Variants in DLGAP1 observed in about 807,000 individuals in gnomAD.
The protein encoded by DLGAP1 is disks large-associated protein 1.
DLGAP1 carries 11 observed loss-of-function variants against 90.8 expected under a neutral mutation model. The ratio of observed to expected loss-of-function variants is 0.12; its 90% CI spans 0.08 to 0.20. The LOEUF (loss-of-function observed/expected upper bound fraction) is 0.20, where lower values mean the gene tolerates loss of function less well. Ranked by LOEUF, DLGAP1 falls within the 10% of genes least tolerant of loss-of-function variation. The pLI is 1.00. For missense variants in DLGAP1, 1,050 were observed against 1,333.8 expected (o/e 0.79, Z 3.31); for synonymous variants, 558 against 540.7 (o/e 1.03, Z -0.44).
intron 1 of DLGAP1, among the ~76,000 whole-genome samples, chr18:4,395,748 C>G (rs780455796): frequency 2.6e-5 from 4 of 152,162 alleles, no homozygotes; most frequent in Non-Finnish European, 5.9e-5. Flanking sequence ...AATAATAAAA[C>G]TCCTAATTTG....
rs759051763 is a variant in DLGAP1, at chr18:3,879,967, C to G, written c.102G>C (p.Leu34=). 1.6e-5 allele frequency: 25 copies of G among 1,612,796 alleles called. No individual in the cohort carries two copies. Among genetic ancestry groups the G allele is most frequent in the Non-Finnish European group, 2.1e-5 (25 of 1,179,980 alleles). The change falls in exon 4 of 13, where the codon CTG becomes CTC. Residue 34 remains leucine (L), a synonymous_variant. Transcript: ENST00000315677. The surrounding 1 kb of genome is among the most constrained non-coding windows in gnomAD (Gnocchi z 6.6). ...CTGCGGGGTGGTGCTCCACTGGGCT[C>G]AGCAGGTAGGGCTTGCGGTCGGAGT... ...SHHSDRKPYL[L]SPVEHHPADH... is the part of the protein sequence containing the mutation.
intron 3 of DLGAP1, among the ~76,000 whole-genome samples, chr18:3,946,631 T>C (rs1599200957): frequency 6.6e-6 from 1 of 152,304 alleles, no homozygotes; most frequent in South Asian, 2.1e-4. Context: ...AAACACTCTT[T>C]AAAGCAAAGT....
Position 3,551,275 on chromosome 18 carries a change from G to A in DLGAP1, c.2057+16215C>T, listed in dbSNP as rs116855808. ...TTTCTTTTTTTCTTTTTTTGTAAAC[G>A]AAGTCTTGCTCTGACACCCAGGCTG... On this transcript the variant is annotated intron_variant, in intron 9 of 12. Transcript: ENST00000315677. 8.8e-3 allele frequency among the ~76,000 whole-genome samples: 1,318 copies of A among 149,230 alleles called. 38 individuals carry two copies. Among genetic ancestry groups the A allele is most frequent in the East Asian group, 0.084 (428 of 5,108 alleles).
At chr18:3,794,167 G>A (rs2065874019) in intron 5 of DLGAP1, among the ~76,000 whole-genome samples, 1 of 152,168 alleles carries the variant, frequency 6.6e-6, no homozygotes, top group South Asian at 2.1e-4. Context: ...GGCTGGCTAG[G>A]TCCCAGTTGT....
intron 5 of DLGAP1, among the ~76,000 whole-genome samples, chr18:3,747,883 C>T (rs573368537): frequency 2.4e-4 from 37 of 152,248 alleles, no homozygotes; most frequent in South Asian, 6.2e-4. Context: ...CAGAGCCCTC[C>T]GCTATCAATA....
intron 1 of DLGAP1, among the ~76,000 whole-genome samples, chr18:4,448,952 T>C (rs1274215364): frequency 6.6e-6 from 1 of 152,226 alleles, no homozygotes; most frequent in Non-Finnish European, 1.5e-5. Context: ...TGATTTATTC[T>C]TTGAGTCCTT....
rs116666184 is a variant in DLGAP1 at position 4,055,119 on chromosome 18, C to T, written c.-158-49918G>A. On this transcript the variant is annotated intron_variant, in intron 2 of 12. Coordinates refer to ENST00000315677, the MANE Select transcript of DLGAP1 (RefSeq NM_004746.4). ...TCCAAATACAAGTTTGGTTCCTGCT[C>T]ATGTGACATGAGCAGTGAGGTTGGC... 3.8e-3 allele frequency among the ~76,000 whole-genome samples: 571 copies of T among 152,222 alleles called. 4 individuals carry two copies. Among genetic ancestry groups the T allele is most frequent in the African/African-American group, 0.013 (553 of 41,530 alleles).
chr18:4,355,077 T>C (rs74568759), intron 1 of DLGAP1, among the ~76,000 whole-genome samples: 2,188 of 152,208 alleles, frequency 0.014, 40 homozygotes, highest in African/African-American at 0.047. Flanking sequence ...CAGTGTCTTT[T>C]AAAACTAAAC....
rs576873579 is a variant in DLGAP1 at position 3,855,847 on chromosome 18, G to A, written c.957+23265C>T. Reference sequence around the variant, plus strand: ...AGGCTGGTCTGGAACTCCTGACCTCGTGATCCGCCTGCCTCGGCCTCTCAA... The same window carrying A: ...AGGCTGGTCTGGAACTCCTGACCTCATGATCCGCCTGCCTCGGCCTCTCAA... On this transcript the variant is annotated intron_variant, in intron 4 of 12. Coordinates refer to ENST00000315677, the MANE Select transcript of DLGAP1 (RefSeq NM_004746.4). Among the ~76,000 whole-genome samples the A allele has an allele frequency of 6.6e-5, 10 of 152,294 alleles. No individual in the cohort carries two copies. In the East Asian group the frequency reaches 1.2e-3, roughly 18 times the overall value.
Position 3,561,203 on chromosome 18 carries a change from A to G in DLGAP1, c.2057+6287T>C, listed in dbSNP as rs567464825. 1.4e-3 allele frequency among the ~76,000 whole-genome samples: 203 copies of G among 147,866 alleles called. 13 individuals carry two copies. Among genetic ancestry groups the G allele is most frequent in the African/African-American group, 5.1e-3 (197 of 38,918 alleles). On this transcript the variant is annotated intron_variant, in intron 9 of 12. Transcript: ENST00000315677. ...GGCTGAGGTGGGCGGATCACCAGAG[A>G]TTAGGAGTTTGAGACCAGCCTGTTC...
intron 7 of DLGAP1, among the ~76,000 whole-genome samples, chr18:3,630,101 G>A (rs1054727544): frequency 1.3e-5 from 2 of 152,178 alleles, no homozygotes; most frequent in Non-Finnish European, 2.9e-5. Context: ...ATTATTCTGT[G>A]TGTGTCTGTG....
intron 2 of DLGAP1, among the ~76,000 whole-genome samples, chr18:4,005,469 C>T (rs2074280987): frequency 6.6e-6 from 1 of 152,074 alleles, no homozygotes; most frequent in African/African-American, 2.4e-5. Context: ...CCCCAGCTGC[C>T]CAGTTTTCCT....
intron 1 of DLGAP1, among the ~76,000 whole-genome samples, chr18:4,165,657 TA>T (rs1195489095): frequency 6.6e-6 from 1 of 152,072 alleles, no homozygotes; most frequent in Non-Finnish European, 1.5e-5. Flanking sequence ...GTGGGGAAGG[TA>T]AAGACACCTG....
At chr18:4,209,131 T>C (rs1407984281) in intron 1 of DLGAP1, among the ~76,000 whole-genome samples, 1 of 152,156 alleles carries the variant, frequency 6.6e-6, no homozygotes, top group Non-Finnish European at 1.5e-5. Flanking sequence ...CATGTGGGAA[T>C]AATGTAGCTT....
At position 4,079,087 on chromosome 18, in the gene DLGAP1, G is replaced by A. The variant is rs2075566233; in HGVS notation, c.-159+72093C>T. ...AGCCCACGCTGGTGGTGGGTGATCA[G>A]AGCACGGACTTCCCACATAAATTTA... On this transcript the variant is annotated intron_variant, in intron 2 of 12. Transcript: ENST00000315677. 2.0e-5 allele frequency among the ~76,000 whole-genome samples: 3 copies of A among 152,276 alleles called. No individual in the cohort carries two copies. The South Asian group carries it at 6.2e-4, about 32-fold the overall frequency.
intron 1 of DLGAP1, among the ~76,000 whole-genome samples, chr18:4,344,346 A>G (rs1449340056): frequency 6.6e-6 from 1 of 152,236 alleles, no homozygotes; most frequent in Non-Finnish European, 1.5e-5. Context: ...GATGCTAGAA[A>G]GTGGCAGATT....
At chr18:4,195,383 A>T (rs908357421) in intron 1 of DLGAP1, among the ~76,000 whole-genome samples, 2 of 152,222 alleles carry the variant, frequency 1.3e-5, no homozygotes, top group Admixed American at 1.3e-4. Context: ...TAAGTGGAGT[A>T]AGCTCCAGCT....
rs79771904 is a variant in DLGAP1, at chr18:3,773,105, A to C, written c.1173-30593T>G. On this transcript the variant is annotated intron_variant, in intron 5 of 12. Coordinates refer to ENST00000315677, the MANE Select transcript of DLGAP1 (RefSeq NM_004746.4). ...TGTGTATTCTTAGATGGGACTTAAA[A>C]ATTTTTTTTTATTTTTTTAATGTGA... Among the ~76,000 whole-genome samples the C allele has an allele frequency of 8.6e-3, 1,305 of 152,090 alleles. 14 individuals carry two copies. The highest frequency in any genetic ancestry group is 0.025 in the African/African-American group (1,035 of 41,460).
chr18:3,697,667 T>C (rs1175618087), intron 7 of DLGAP1, among the ~76,000 whole-genome samples: 1 of 152,156 alleles, frequency 6.6e-6, no homozygotes, highest in Non-Finnish European at 1.5e-5. Flanking sequence ...ATTCTGTTGA[T>C]TCAGAGTGGG....
Sources: gnomAD v4.1 joint callset for allele counts (sites outside exome capture counted in the v4.1 genomes callset) on GRCh38, gnomAD v4.1.1 for gene constraint, Gnocchi (gnomAD v3.1) non-coding constraint, MANE v1.5 for transcripts, NCBI Gene and HGNC (gene_info 2026-07-23, HGNC 2026-07-21) for gene names.